OMA1: variants seen among roughly 807,000 people sequenced by gnomAD.
OMA1 encodes the protein OMA1 zinc metallopeptidase.
In OMA1, 38 loss-of-function variants were observed where a neutral mutation model predicts 30.9. That is an observed-to-expected ratio of 1.23 (90% CI 0.95 to 1.61). The LOEUF (loss-of-function observed/expected upper bound fraction) is 1.61. Ranked by LOEUF, OMA1 falls within the 40% of genes most tolerant of loss-of-function variation. The probability of loss-of-function intolerance (pLI) is 0.00; values close to 1 mark genes in which losing one functional copy is unlikely to be tolerated. For missense variants in OMA1, 461 were observed against 349.2 expected (o/e 1.32, Z -2.55); for synonymous variants, 173 against 121.9 (o/e 1.42, Z -2.76).
chr1:58,481,978 T>A (rs939341278), intron 8 of OMA1, among the ~76,000 whole-genome samples: 2 of 152,226 alleles, frequency 1.3e-5, no homozygotes, highest in African/African-American at 4.8e-5. Context: ...GAGAATGGAC[T>A]AATATACTTA....
chr1:58,494,746 G>A (rs945771364), intron 8 of OMA1, among the ~76,000 whole-genome samples: 212 of 152,036 alleles, frequency 1.4e-3, no homozygotes, highest in Admixed American at 2.1e-3. Context: ...TTAGAATGGC[G>A]ATCATTAAAA....
intron 8 of OMA1, among the ~76,000 whole-genome samples, chr1:58,491,880 T>C (rs1645699153): frequency 6.6e-6 from 1 of 152,234 alleles, no homozygotes; most frequent in South Asian, 2.1e-4. Context: ...AACAAGGATA[T>C]CCAGGAATTG....
chr1:58,517,849 G>A (rs1009443871), intron 7 of OMA1, among the ~76,000 whole-genome samples: 3 of 151,812 alleles, frequency 2.0e-5, no homozygotes, highest in Non-Finnish European at 4.4e-5. Context: ...GAAAAGTCTG[G>A]AGGAAAATTC....
chr1:58,523,692 G>T (rs1001622419), intron 7 of OMA1, among the ~76,000 whole-genome samples: 2 of 152,166 alleles, frequency 1.3e-5, no homozygotes, highest in Non-Finnish European at 2.9e-5. Flanking sequence ...GAGGTCAGGA[G>T]ATCGAGACCA....
intron 1 of OMA1, among the ~76,000 whole-genome samples, chr1:58,543,181 T>C (rs1450574910): frequency 2.6e-5 from 4 of 152,206 alleles, no homozygotes; most frequent in African/African-American, 7.2e-5. Context: ...ATGCGCTTTC[T>C]TCAATGAGTT....
chr1:58,488,122 G>A (rs1645608671), intron 8 of OMA1, among the ~76,000 whole-genome samples: 1 of 151,904 alleles, frequency 6.6e-6, no homozygotes, highest in Non-Finnish European at 1.5e-5. Flanking sequence ...TTTAAATACA[G>A]ATTTAGTAAA....
chr1:58,546,114 T>G (rs1482660118), intron 1 of OMA1, among the ~76,000 whole-genome samples: 1 of 152,160 alleles, frequency 6.6e-6, no homozygotes, highest in Non-Finnish European at 1.5e-5. Flanking sequence ...ATACAGTGAG[T>G]TCTGTAGACG....
In OMA1 at chr1:58,498,252, A is replaced by C. The variant is rs191260320; in HGVS notation, c.1365+7808T>G. Among the ~76,000 whole-genome samples, 826 of 152,158 alleles carry C rather than the reference A, an allele frequency of 5.4e-3. 6 individuals are homozygous for C. The highest frequency in any genetic ancestry group is 0.019 in the African/African-American group (792 of 41,548). The stretch of plus-strand genomic sequence containing the variant: ...GTAAAACTAAAAGTTAAAAAAAAAA[A>C]ACAACTTTTTCCATTGTCTTCCATT... On this transcript the variant is annotated intron_variant, in intron 8 of 8. Coordinates refer to ENST00000371226, the MANE Select transcript of OMA1 (RefSeq NM_145243.5).
chr1:58,534,563 C>A (rs540385556), intron 3 of OMA1, among the ~76,000 whole-genome samples: 2 of 152,266 alleles, frequency 1.3e-5, no homozygotes. Context: ...AATAGATTGA[C>A]ATCAAAATTT....
chr1:58,499,531 A>C (rs2100401481), intron 8 of OMA1, among the ~76,000 whole-genome samples: 1 of 90,926 alleles, frequency 1.1e-5, no homozygotes, highest in African/African-American at 4.3e-5. Flanking sequence ...GATAGATATT[A>C]AAAAGTATAA....
intron 8 of OMA1, among the ~76,000 whole-genome samples, chr1:58,483,752 C>A (rs76530690): frequency 6.6e-6 from 1 of 152,176 alleles, no homozygotes; most frequent in Non-Finnish European, 1.5e-5. Flanking sequence ...GAGATGCTAG[C>A]AAGATTTGCA....
At chr1:58,520,720 T>C (rs923926107) in intron 7 of OMA1, among the ~76,000 whole-genome samples, 1 of 152,116 alleles carries the variant, frequency 6.6e-6, no homozygotes, top group African/African-American at 2.4e-5. Context: ...CTAGAGACAG[T>C]GATTTTATTG....
At chr1:58,503,555 G>A (rs573709574) in intron 8 of OMA1, among the ~76,000 whole-genome samples, 13 of 152,046 alleles carry the variant, frequency 8.6e-5, no homozygotes, top group Non-Finnish European at 1.8e-4. Context: ...CAATGTGATG[G>A]TATCAGGAGG....
At chr1:58,519,208 T>A (rs983246550) in intron 7 of OMA1, among the ~76,000 whole-genome samples, 3 of 152,192 alleles carry the variant, frequency 2.0e-5, no homozygotes, top group Non-Finnish European at 2.9e-5. Context: ...CCACTGCCAA[T>A]CCTCAAACAC....
At chr1:58,527,117 A>C in intron 7 of OMA1, 144 bp downstream of exon 7, 1 of 586,828 alleles carries the variant, frequency 1.7e-6, no homozygotes, top group Non-Finnish European at 3.1e-6. Context: ...TAATCTTCAA[A>C]TTTCTAGATT....
At chr1:58,499,815 T>C (rs1645877091) in intron 8 of OMA1, among the ~76,000 whole-genome samples, 1 of 151,620 alleles carries the variant, frequency 6.6e-6, no homozygotes, top group Non-Finnish European at 1.5e-5. Flanking sequence ...ACACTTGTAT[T>C]GAAAAAAAAA....
chr1:58,506,824 T>C (rs1242709702), intron 7 of OMA1, among the ~76,000 whole-genome samples: 6 of 152,156 alleles, frequency 3.9e-5, no homozygotes. Context: ...ATTTTCTCAA[T>C]GTATATGGAC....
rs114946510 is a variant in OMA1 at position 58,482,547 on chromosome 1, C to T, written c.1366-1373G>A. Among the ~76,000 whole-genome samples the T allele has an allele frequency of 4.0e-3, 600 of 151,888 alleles. 2 individuals are homozygous for T. Among genetic ancestry groups the T allele is most frequent in the African/African-American group, 0.013 (548 of 41,268 alleles). ...GGGAAAAAGCTAATTCAGTTTTTTA[C>T]GACTTCTGGCTTTCTGATACTGATG... On this transcript the variant is annotated intron_variant, in intron 8 of 8. Coordinates refer to ENST00000371226, the MANE Select transcript of OMA1 (RefSeq NM_145243.5).
intron 8 of OMA1, among the ~76,000 whole-genome samples, chr1:58,504,926 T>G (rs577945990): frequency 6.6e-6 from 1 of 152,282 alleles, no homozygotes; most frequent in South Asian, 2.1e-4. Context: ...CCGTATTTGT[T>G]GGGCTGAATT....
Sources: allele counts gnomAD v4.1 joint callset (sites outside exome capture counted in the v4.1 genomes callset), GRCh38; gene constraint gnomAD v4.1.1; transcripts MANE v1.5; gene names NCBI Gene and HGNC (gene_info 2026-07-23, HGNC 2026-07-21).